Variants in LARGE1 observed in about 807,000 individuals in gnomAD.
The protein encoded by LARGE1 is LARGE xylosyl- and glucuronyltransferase 1, also known as xylosyl- and glucuronyltransferase LARGE1.
A neutral mutation model predicts 87.6 loss-of-function variants in LARGE1; 43 were observed. That is an observed-to-expected ratio of 0.49 (90% confidence interval 0.38 to 0.63). The LOEUF is 0.63. Ranked by LOEUF, LARGE1 falls within the 30% of genes least tolerant of loss-of-function variation. The probability of loss-of-function intolerance (pLI) is 0.00; values close to 1 mark genes in which losing one functional copy is unlikely to be tolerated. For missense variants in LARGE1, 802 were observed against 1,000.2 expected (o/e 0.80, Z 2.67); for synonymous variants, 434 against 394.6 (o/e 1.10, Z -1.18).
intron 5 of LARGE1, among the ~76,000 whole-genome samples, chr22:33,581,076 T>C (rs1324799757): frequency 3.9e-5 from 6 of 152,236 alleles, no homozygotes; most frequent in African/African-American, 7.2e-5. Context: ...TATTATTTCA[T>C]TGGATGCTTG....
chr22:33,132,788 C>T, the LARGE1 span, among the ~76,000 whole-genome samples: 2 of 152,074 alleles, frequency 1.3e-5, no homozygotes, highest in Non-Finnish European at 2.9e-5. Flanking sequence ...TTGATTCTCA[C>T]CACATCACTT....
chr22:33,751,375 G>C (rs2084308501), intron 2 of LARGE1, among the ~76,000 whole-genome samples: 1 of 152,090 alleles, frequency 6.6e-6, no homozygotes, highest in Non-Finnish European at 1.5e-5. Context: ...CAGCTACTTG[G>C]GAGGCTGAGG....
downstream of LARGE1, chr22:33,162,140 AC>A: frequency 6.6e-6 from 1 of 152,244 alleles, no homozygotes; most frequent in South Asian, 2.1e-4. Context: ...TTACAGTAGC[AC>A]CCCACTCTCA....
chr22:33,145,912 T>C, the LARGE1 span, among the ~76,000 whole-genome samples: 1 of 152,192 alleles, frequency 6.6e-6, no homozygotes, highest in Non-Finnish European at 1.5e-5. Flanking sequence ...ACATCCTGGG[T>C]GGCAAAAGTA....
At chr22:33,630,612 C>A (rs1396841327) in intron 3 of LARGE1, among the ~76,000 whole-genome samples, 1 of 152,018 alleles carries the variant, frequency 6.6e-6, no homozygotes, top group South Asian at 2.1e-4. Context: ...AAATGGTACA[C>A]CTGTATAGGA....
At chr22:33,547,407 T>G (rs1271074361) in intron 6 of LARGE1, among the ~76,000 whole-genome samples, 1 of 152,146 alleles carries the variant, frequency 6.6e-6, no homozygotes, top group Non-Finnish European at 1.5e-5. Context: ...GAGGTGAAGG[T>G]CAGGCTGTAA....
intron 6 of LARGE1, among the ~76,000 whole-genome samples, chr22:33,459,738 T>C (rs766499775): frequency 6.6e-6 from 1 of 151,462 alleles, no homozygotes; most frequent in Non-Finnish European, 1.5e-5. Context: ...ACACCCCCAA[T>C]AGCACCCAAA....
At chr22:33,452,745 C>T (rs1239771389) in intron 6 of LARGE1, among the ~76,000 whole-genome samples, 1 of 152,208 alleles carries the variant, frequency 6.6e-6, no homozygotes, top group Non-Finnish European at 1.5e-5. Context: ...ACAACACGCT[C>T]CCTTAGCTCA....
chr22:33,787,433 T>C (rs1366484744), intron 1 of LARGE1, among the ~76,000 whole-genome samples: 2 of 152,196 alleles, frequency 1.3e-5, no homozygotes, highest in East Asian at 3.8e-4. Flanking sequence ...ATTTCCAGAA[T>C]TTCAGATTTC....
chr22:33,091,559 C>CAAATAAATAAATAAAT, the LARGE1 span, among the ~76,000 whole-genome samples: 1,687 of 140,544 alleles, frequency 0.012, 14 homozygotes, highest in African/African-American at 0.022. Flanking sequence ...GACTCCATCT[C>CAAATAAATAAATAAAT]AAATAAATAA....
At chr22:33,268,429 CTTTT>C (rs71320968), downstream of LARGE1, among the ~76,000 whole-genome samples, 4 of 132,984 alleles carry the variant, frequency 3.0e-5, no homozygotes, top group South Asian at 2.4e-4. Context: ...TGTTAAAAAA[CTTTT>C]TTTTTTTTTT....
Position 33,337,711 on chromosome 22 carries a change from C to G in LARGE1, c.1222G>C (p.Asp408His). The change falls in exon 10 of 15, where the codon GAC (aspartate) becomes CAC (histidine). Residue 408 changes from aspartate to histidine, a missense_variant. Around this residue, in one of 2 missense-constraint regions of LARGE1, gnomAD observed 625 missense variants for 841.9 expected, o/e 0.74. Coordinates refer to ENST00000397394, the MANE Select transcript of LARGE1 (RefSeq NM_133642.5). ...RNLYLTFLEY[D>H]GNLLRRELFG... ...AGTTCCCGCCTCAGAAGATTGCCGT[C>G]ATACTCCAGGAAGGTCAGGTAGAGG... is the stretch of plus-strand genomic sequence containing the variant. 6.2e-7 allele frequency: 1 copy of G among 1,614,140 alleles called. No individual in the cohort carries two copies. The highest frequency in any genetic ancestry group is 8.5e-7 in the Non-Finnish European group (1 of 1,180,034).
intron 6 of LARGE1, among the ~76,000 whole-genome samples, chr22:33,451,760 T>C (rs886315171): frequency 5.3e-5 from 8 of 152,138 alleles, no homozygotes; most frequent in African/African-American, 1.4e-4. Flanking sequence ...GGTTTCACCA[T>C]GTTGGGCAGG....
the LARGE1 span, among the ~76,000 whole-genome samples, chr22:33,114,738 G>A: frequency 6.6e-6 from 1 of 152,172 alleles, no homozygotes; most frequent in Non-Finnish European, 1.5e-5. Flanking sequence ...AATTTCACTT[G>A]CCTGAATCAT....
At chr22:33,260,948 G>A (rs935184935) in intron 11 of LARGE1, among the ~76,000 whole-genome samples, 2 of 152,068 alleles carry the variant, frequency 1.3e-5, no homozygotes, top group African/African-American at 4.8e-5. Context: ...ATTGGAAAAC[G>A]GCACATCCCC....
intron 9 of LARGE1, among the ~76,000 whole-genome samples, chr22:33,378,084 T>C (rs2065042754): frequency 6.6e-6 from 1 of 152,246 alleles, no homozygotes; most frequent in Non-Finnish European, 1.5e-5. Context: ...GCTTACTTCC[T>C]TGTGTGTTTT....
rs187568867 is a variant in LARGE1, at chr22:33,591,030, G to A, written c.615+13405C>T. On this transcript the variant is annotated intron_variant, in intron 5 of 14. Coordinates refer to ENST00000397394, the MANE Select transcript of LARGE1 (RefSeq NM_133642.5). ...AGCCGGGCCAATATGGCAAAACCCCGTCTCTACTAAAAATACAGAAATTAG... is the reference window on the plus strand; with the variant it reads ...AGCCGGGCCAATATGGCAAAACCCCATCTCTACTAAAAATACAGAAATTAG... Among the ~76,000 whole-genome samples the A allele has an allele frequency of 2.5e-3, 387 of 152,140 alleles. 1 individual carries two copies. Among genetic ancestry groups the A allele is most frequent in the African/African-American group, 9.1e-3 (377 of 41,518 alleles).
intron 9 of LARGE1, among the ~76,000 whole-genome samples, chr22:33,338,410 T>TGC (rs1569071940): frequency 5.3e-5 from 8 of 151,762 alleles, no homozygotes; most frequent in African/African-American, 1.9e-4. Context: ...CTGGAATCGG[T>TGC]TGGTGATGCC....
intron 1 of LARGE1, among the ~76,000 whole-genome samples, chr22:33,781,838 A>G (rs1166048816): frequency 2.0e-5 from 3 of 152,224 alleles, no homozygotes; most frequent in Non-Finnish European, 4.4e-5. Flanking sequence ...TAAATAGTAC[A>G]CTGATAAAAA....
Sources: gnomAD v4.1 joint callset for allele counts (sites outside exome capture counted in the v4.1 genomes callset) on GRCh38, gnomAD v4.1.1 for gene constraint, gnomAD v4.1.1 regional missense constraint, MANE v1.5 for transcripts, NCBI Gene and HGNC (gene_info 2026-07-23, HGNC 2026-07-21) for gene names.